Variants in ACAD11 observed in about 807,000 individuals in gnomAD.
ACAD11 encodes acyl-Coenzyme A dehydrogenase family, member 11.
ACAD11 carries 83 observed loss-of-function variants against 102.2 expected under a neutral mutation model. That is an observed-to-expected ratio of 0.81 (90% CI 0.68 to 0.97). The LOEUF is 0.97. ACAD11 is among the 50% of genes least tolerant of loss of function. The pLI, the probability that ACAD11 is intolerant of heterozygous loss-of-function variation, is 0.00. For synonymous variants in ACAD11, 324 were observed against 319.8 expected, an observed-to-expected ratio of 1.01 and a Z score of -0.14; for missense variants, 901 against 951.7, an observed-to-expected ratio of 0.95 and a Z score of 0.70.
At chr3:132,650,707 G>A (rs140752251) in intron 1 of ACAD11, among the ~76,000 whole-genome samples, 4 of 152,082 alleles carry the variant, frequency 2.6e-5, no homozygotes, top group African/African-American at 9.7e-5. Flanking sequence ...TTAACTTAGT[G>A]TAAGACTGTC....
At chr3:132,619,014 A>G (rs988369026) in intron 10 of ACAD11, 2 of 384,104 alleles carry the variant, frequency 5.2e-6, no homozygotes, top group Admixed American at 4.5e-5. Flanking sequence ...CTGAAAAATT[A>G]AGTTTGCTAC....
At chr3:132,633,116 T>C (rs1332193498) in intron 5 of ACAD11, among the ~76,000 whole-genome samples, 1 of 152,198 alleles carries the variant, frequency 6.6e-6, no homozygotes, top group Non-Finnish European at 1.5e-5. Flanking sequence ...CTATGTTGAA[T>C]AGGAGTGGTG....
intron 13 of ACAD11, among the ~76,000 whole-genome samples, chr3:132,594,928 G>A (rs1300542024): frequency 1.3e-5 from 2 of 152,156 alleles, no homozygotes; most frequent in African/African-American, 4.8e-5. Context: ...TAGTCATTAT[G>A]TGTCAGGTAT....
intron 4 of ACAD11, among the ~76,000 whole-genome samples, chr3:132,641,566 A>G (rs200144343): frequency 1.1e-5 from 1 of 90,910 alleles, no homozygotes; most frequent in Non-Finnish European, 2.2e-5. Flanking sequence ...ATGATGAAGA[A>G]GAAGAAGAAG....
At chr3:132,571,515 T>C (rs1162418371) in intron 17 of ACAD11, among the ~76,000 whole-genome samples, 1 of 152,172 alleles carries the variant, frequency 6.6e-6, no homozygotes, top group Non-Finnish European at 1.5e-5. Flanking sequence ...TTAGATTGCA[T>C]TGATCAATTT....
chr3:132,618,913 G>T, intron 10 of ACAD11, 141 bp from the exon 11 acceptor site: 1 of 798,106 alleles, frequency 1.3e-6, no homozygotes, highest in Non-Finnish European at 1.7e-6. Flanking sequence ...GTATTCTCCA[G>T]TGAGCAAAAC....
chr3:132,605,025 TA>T, intron 12 of ACAD11, 72 bp downstream of exon 12: 1 of 1,148,304 alleles, frequency 8.7e-7, no homozygotes, highest in South Asian at 1.5e-5. Context: ...CCACATCCTG[TA>T]TTTCTTCAGC....
chr3:132,637,778 T>C (rs1167151899), intron 5 of ACAD11, among the ~76,000 whole-genome samples: 1 of 152,192 alleles, frequency 6.6e-6, no homozygotes, highest in African/African-American at 2.4e-5. Flanking sequence ...ATAATTTCGT[T>C]TTGCCATATC....
chr3:132,622,784 C>T (rs1939656418), intron 9 of ACAD11, among the ~76,000 whole-genome samples: 1 of 152,132 alleles, frequency 6.6e-6, no homozygotes, highest in South Asian at 2.1e-4. Flanking sequence ...ACTGCGTCCT[C>T]ACTCACTGAC....
chr3:132,600,542 A>G (rs1159986031), intron 13 of ACAD11: 2 of 1,613,842 alleles, frequency 1.2e-6, no homozygotes, highest in African/African-American at 2.7e-5. Context: ...TGTATTCCTC[A>G]CAATAGTTTT....
Position 132,619,484 on chromosome 3 carries a change from A to T in ACAD11, c.1259T>A (p.Val420Glu), listed in dbSNP as rs200316581. 6.3e-7 allele frequency: 1 copy of T among 1,591,868 alleles called. No homozygotes were observed. Among genetic ancestry groups the T allele is most frequent in the Non-Finnish European group, 8.5e-7 (1 of 1,171,414 alleles). ...NSVDKWGKPL[V>E]IDKLKEMAKV... The stretch of plus-strand genomic sequence containing the variant: ...TTTTCTTACCTTGAGTTTATCAATC[A>T]CTAAAGGTTTTCCCCACTTGTCCAC... Residue 420 changes from valine (V) to glutamate (E), a missense_variant, in exon 10 of 20, where the codon GTG (valine) becomes GAG (glutamate). By Grantham distance (121) the Val-to-Glu change is moderately radical. Coordinates refer to ENST00000264990, the MANE Select transcript of ACAD11 (RefSeq NM_032169.5).
chr3:132,646,159 G>A (rs978730104), intron 1 of ACAD11, among the ~76,000 whole-genome samples: 1 of 152,112 alleles, frequency 6.6e-6, no homozygotes, highest in Non-Finnish European at 1.5e-5. Flanking sequence ...TGTATTTTTA[G>A]TAGAGACGGG....
chr3:132,617,355 C>T (rs1490824008), intron 11 of ACAD11, among the ~76,000 whole-genome samples: 6 of 152,144 alleles, frequency 3.9e-5, no homozygotes, highest in Admixed American at 6.5e-5. Flanking sequence ...CTATAGACTA[C>T]GTTCCAGGTT....
At chr3:132,584,916 T>A (rs951063232) in intron 13 of ACAD11, among the ~76,000 whole-genome samples, 1 of 152,208 alleles carries the variant, frequency 6.6e-6, no homozygotes. Context: ...ATGGCCATAC[T>A]GCCCAAGGTA....
At chr3:132,573,861 T>C (rs73860755) in intron 17 of ACAD11, among the ~76,000 whole-genome samples, 3 of 152,130 alleles carry the variant, frequency 2.0e-5, no homozygotes, top group Middle Eastern at 3.2e-3. Context: ...CAGCCTGGAG[T>C]AAATTAGAAG....
At position 132,561,221 on chromosome 3, in the gene ACAD11, TA is replaced by T. The variant is rs1937047147; in HGVS notation, c.2002-5del. On this transcript the variant is annotated splice_polypyrimidine_tract_variant and splice_region_variant and intron_variant, in intron 17 of 19. Transcript: ENST00000264990. ...CAATCCAGTGAGCCACAACCTCCTATAGGGGAGGAAAAGGCAGCAAAAGAAG... is the reference window on the plus strand; with the variant it reads ...CAATCCAGTGAGCCACAACCTCCTATGGGGAGGAAAAGGCAGCAAAAGAAG... 1 of 1,609,810 alleles carries T rather than the reference TA, an allele frequency of 6.2e-7. No homozygotes were observed. The highest frequency in any genetic ancestry group is 1.3e-5 in the African/African-American group (1 of 74,806).
At chr3:132,650,217 G>A (rs1156341612) in intron 1 of ACAD11, 1 of 152,208 alleles carries the variant, frequency 6.6e-6, no homozygotes, top group African/African-American at 2.4e-5. Context: ...TCAATGACTG[G>A]TCAAGAATCT....
Position 132,578,959 on chromosome 3 carries a change from G to A in ACAD11, c.1689-78C>T, listed in dbSNP as rs117907034. 38 of 1,588,958 alleles carry A rather than the reference G, an allele frequency of 2.4e-5. No individual in the cohort carries two copies. The East Asian group carries it at 7.7e-4, about 32-fold the overall frequency. On this transcript the variant is annotated intron_variant, in intron 14 of 19. Transcript: ENST00000264990. ...ACAGATAATAAGCAGAATCACAATT[G>A]TCTTTTTGATGTTTTCATGTAGTCA...
chr3:132,562,658 T>C (rs1410567179), intron 17 of ACAD11, among the ~76,000 whole-genome samples: 3 of 152,218 alleles, frequency 2.0e-5, no homozygotes, highest in Non-Finnish European at 4.4e-5. Flanking sequence ...TGGTTTTAAT[T>C]TGCATTTCTG....
Sources: gnomAD v4.1 joint callset for allele counts (sites outside exome capture counted in the v4.1 genomes callset) on GRCh38, gnomAD v4.1.1 for gene constraint, MANE v1.5 for transcripts, NCBI Gene and HGNC (gene_info 2026-07-23, HGNC 2026-07-21) for gene names.